CFAP299: variants seen among roughly 807,000 people sequenced by gnomAD.
CFAP299 encodes cilia- and flagella-associated protein 299.
In CFAP299, 21 loss-of-function variants were observed where a neutral mutation model predicts 27.0. That is an observed-to-expected ratio of 0.78 (90% CI 0.55 to 1.12). CFAP299 has a LOEUF of 1.12. Among genes scored for constraint, CFAP299 ranks in the 50% most tolerant of loss-of-function variants. The pLI is 0.00. For synonymous variants in CFAP299, 104 were observed against 98.1 expected (o/e 1.06, Z -0.36); for missense variants, 310 against 276.6 (o/e 1.12, Z -0.86).
intron 3 of CFAP299, among the ~76,000 whole-genome samples, chr4:80,614,242 A>G (rs1168669782): frequency 6.6e-6 from 1 of 152,190 alleles, no homozygotes; most frequent in Non-Finnish European, 1.5e-5. Context: ...ATTAACGGCT[A>G]CTTAGAATAT....
chr4:80,959,380 T>C (rs916294021), intron 5 of CFAP299, among the ~76,000 whole-genome samples: 3 of 152,116 alleles, frequency 2.0e-5, no homozygotes, highest in Admixed American at 6.6e-5. Flanking sequence ...CATACTGTTG[T>C]TGTCTAATGT....
intron 2 of CFAP299, among the ~76,000 whole-genome samples, chr4:80,464,129 C>G (rs1038953669): frequency 1.3e-5 from 2 of 151,920 alleles, no homozygotes; most frequent in Non-Finnish European, 2.9e-5. Flanking sequence ...ACTTCTATGC[C>G]AAGTTTAAGC....
At chr4:80,531,307 A>G (rs1054013900) in intron 2 of CFAP299, among the ~76,000 whole-genome samples, 21 of 152,214 alleles carry the variant, frequency 1.4e-4, no homozygotes, top group African/African-American at 5.1e-4. Flanking sequence ...TCTGGCATTT[A>G]TATATTTATA....
chr4:80,379,125 A>G (rs1197578894), intron 2 of CFAP299, among the ~76,000 whole-genome samples: 2 of 152,058 alleles, frequency 1.3e-5, no homozygotes, highest in Non-Finnish European at 2.9e-5. Flanking sequence ...AAAATAGATA[A>G]TAGGGAAAAT....
At chr4:80,847,039 T>A (rs1166646042) in intron 3 of CFAP299, among the ~76,000 whole-genome samples, 1 of 152,210 alleles carries the variant, frequency 6.6e-6, no homozygotes, top group East Asian at 1.9e-4. Flanking sequence ...CATTTTGTTC[T>A]TGGAGTCTGA....
chr4:80,644,644 T>C (rs1739900485), intron 3 of CFAP299, among the ~76,000 whole-genome samples: 1 of 152,166 alleles, frequency 6.6e-6, no homozygotes, highest in South Asian at 2.1e-4. Flanking sequence ...GTCTAAATAT[T>C]CTATGAAGTC....
At chr4:80,504,563 A>G (rs1456122258) in intron 2 of CFAP299, among the ~76,000 whole-genome samples, 1 of 142,076 alleles carries the variant, frequency 7.0e-6, no homozygotes, top group East Asian at 2.1e-4. Flanking sequence ...GAGAAAAAAA[A>G]TGAAGCTTCC....
chr4:80,503,798 AATT>A (rs1731857862), intron 2 of CFAP299, among the ~76,000 whole-genome samples: 1 of 152,130 alleles, frequency 6.6e-6, no homozygotes, highest in Non-Finnish European at 1.5e-5. Context: ...TAAATGAAAT[AATT>A]TATATTTGTA....
At chr4:80,643,018 C>T (rs35130281) in intron 3 of CFAP299, among the ~76,000 whole-genome samples, 10,645 of 151,732 alleles carry the variant, frequency 0.07, 460 homozygotes, top group Middle Eastern at 0.19. Context: ...GATGTAGGGC[C>T]GGGTGTGGTG....
intron 3 of CFAP299, among the ~76,000 whole-genome samples, chr4:80,601,751 C>A (rs923667671): frequency 1.3e-5 from 2 of 152,114 alleles, no homozygotes; most frequent in Admixed American, 1.3e-4. Flanking sequence ...TTCATTTCCT[C>A]AGGGAAGAGT....
chr4:80,746,653 C>G (rs1203686082), intron 3 of CFAP299, among the ~76,000 whole-genome samples: 1 of 151,898 alleles, frequency 6.6e-6, no homozygotes, highest in Non-Finnish European at 1.5e-5. Context: ...TAGTTGCACC[C>G]TTGAGCAACT....
At chr4:80,429,543 T>A (rs1727705103) in intron 2 of CFAP299, among the ~76,000 whole-genome samples, 1 of 152,200 alleles carries the variant, frequency 6.6e-6, no homozygotes, top group Non-Finnish European at 1.5e-5. Context: ...TTATGTCATT[T>A]TTAACTGTGA....
chr4:80,504,462 CATAT>C (rs56729877), intron 2 of CFAP299, among the ~76,000 whole-genome samples: 2,343 of 37,686 alleles, frequency 0.062, 47 homozygotes, highest in African/African-American at 0.091. Context: ...TAAAATCTCA[CATAT>C]ATATATATAT....
intron 2 of CFAP299, among the ~76,000 whole-genome samples, chr4:80,383,868 CT>C (rs1375538709): frequency 6.6e-6 from 1 of 151,448 alleles, no homozygotes; most frequent in African/African-American, 2.4e-5. Context: ...TTGTTGTTAT[CT>C]TTCCCTCATT....
the CFAP299 span, among the ~76,000 whole-genome samples, chr4:80,322,693 G>T: frequency 6.6e-6 from 1 of 152,152 alleles, no homozygotes; most frequent in Non-Finnish European, 1.5e-5. Flanking sequence ...AGTAGGAAAA[G>T]GTAGGAATAG....
intron 4 of CFAP299, among the ~76,000 whole-genome samples, chr4:80,925,523 C>T (rs192606324): frequency 1.7e-4 from 26 of 151,916 alleles, no homozygotes; most frequent in Non-Finnish European, 2.7e-4. Flanking sequence ...TTTTCACTTC[C>T]TACTCAAAAT....
chr4:80,912,560 G>T lies in CFAP299; in HGVS notation c.477-32250G>T, dbSNP rs1398200749. On this transcript the variant is annotated intron_variant, in intron 4 of 5. Coordinates refer to ENST00000358105, the MANE Select transcript of CFAP299 (RefSeq NM_152770.3). ...GTGTGAGGACTGCAAAAGGGGTAGG[G>T]TGTTAACAGACAGAGCAGAGCTGCA... Among the ~76,000 whole-genome samples, 13 of 152,140 alleles carry T rather than the reference G, an allele frequency of 8.5e-5. 1 individual carries two copies.
rs1339201630 is a variant in CFAP299 at position 80,591,104 on chromosome 4, A to ATTTTTT, written c.333+7921_333+7922insTTTTTT. On this transcript the variant is annotated intron_variant, in intron 3 of 5. Coordinates refer to ENST00000358105, the MANE Select transcript of CFAP299 (RefSeq NM_152770.3). ...AGAAACAGATTATAATACTTTAGGA[A>ATTTTTT]ATTTTTTTTTTTTTTTTTTTTTTTT... is the stretch of plus-strand genomic sequence containing the variant. 6.4e-4 allele frequency among the ~76,000 whole-genome samples: 75 copies of ATTTTTT among 116,526 alleles called. 6 individuals are homozygous for ATTTTTT. The highest frequency in any genetic ancestry group is 7.6e-4 in the East Asian group (3 of 3,926). The allele number at this position is 116,526 out of a possible 152,430, so 76.4% of individuals were successfully genotyped here. A position where few individuals can be genotyped will look rare whatever the true frequency, so the allele number is the denominator to read the frequency against.
intron 4 of CFAP299, among the ~76,000 whole-genome samples, chr4:80,905,857 A>T (rs1388403395): frequency 4.6e-5 from 7 of 152,184 alleles, no homozygotes; most frequent in Non-Finnish European, 1.5e-5. Context: ...TGGGAACTAC[A>T]ATTCAAGATG....
Sources: allele counts gnomAD v4.1 joint callset (sites outside exome capture counted in the v4.1 genomes callset), GRCh38; gene constraint gnomAD v4.1.1; transcripts MANE v1.5; gene names NCBI Gene and HGNC (gene_info 2026-07-23, HGNC 2026-07-21).